The following MSR1 variants were observed in gnomAD, a reference collection of about 807,000 sequenced individuals.
MSR1 encodes the protein macrophage scavenger receptor types I and II.
Under a neutral mutation model 47.2 loss-of-function variants are expected in MSR1, and 53 were observed. The ratio of observed to expected loss-of-function variants is 1.12; its 90% CI spans 0.90 to 1.41. The LOEUF (loss-of-function observed/expected upper bound fraction) is 1.41, where lower values mean the gene tolerates loss of function less well. MSR1 is among the 40% of genes most tolerant of loss of function. The pLI, the probability that MSR1 is intolerant of heterozygous loss-of-function variation, is 0.00. For synonymous variants in MSR1, 239 were observed against 185.6 expected, an observed-to-expected ratio of 1.29 and a Z score of -2.34; for missense variants, 786 against 546.9, an observed-to-expected ratio of 1.44 and a Z score of -4.36.
intron 9 of MSR1, among the ~76,000 whole-genome samples, chr8:16,119,075 C>G (rs2117058293): frequency 6.6e-6 from 1 of 152,250 alleles, no homozygotes; most frequent in African/African-American, 2.4e-5. Flanking sequence ...AAGTTAAAAA[C>G]TACGGCCAGG....
At chr8:16,115,329 CTAAG>C (rs1036613142) in intron 9 of MSR1, among the ~76,000 whole-genome samples, 14 of 152,196 alleles carry the variant, frequency 9.2e-5, no homozygotes, top group Admixed American at 9.2e-4. Context: ...ACTCATTTTT[CTAAG>C]TTTCTTTTCT....
At chr8:16,120,844 TA>T (rs1475438350) in intron 8 of MSR1, 2 of 550,774 alleles carry the variant, frequency 3.6e-6, no homozygotes, top group Non-Finnish European at 6.4e-6. Context: ...GTCTTACATG[TA>T]AGTTATATAT....
At chr8:16,183,541 T>G (rs1401304434) in intron 1 of MSR1, among the ~76,000 whole-genome samples, 1 of 145,758 alleles carries the variant, frequency 6.9e-6, no homozygotes, top group Non-Finnish European at 1.5e-5. Flanking sequence ...TAATACATAT[T>G]TATATATACA....
At chr8:16,175,897 C>G (rs902071715) in intron 2 of MSR1, among the ~76,000 whole-genome samples, 21 of 152,132 alleles carry the variant, frequency 1.4e-4, no homozygotes, top group Admixed American at 2.6e-4. Context: ...GAAGCCCACT[C>G]TCTCTATATT....
At position 16,168,594 on chromosome 8, in the gene MSR1, G is replaced by A. The variant is rs1801387154; in HGVS notation, c.494C>T (p.Ser165Leu). 6.2e-7 allele frequency: 1 copy of A among 1,614,036 alleles called. No homozygotes were observed. The highest frequency in any genetic ancestry group is 1.1e-5 in the South Asian group (1 of 91,086). ...ILLQLSTLFS[S>L]VQGHGNAIDE... Reference sequence around the variant, plus strand: ...TATTGCATTCCCATGTCCCTGGACTGAGGAAAACAAGGTACTTAGCTGCAG... The same window carrying A: ...TATTGCATTCCCATGTCCCTGGACTAAGGAAAACAAGGTACTTAGCTGCAG... Residue 165 changes from serine (S) to leucine (L), a missense_variant, in exon 4 of 10, where the codon TCA becomes TTA. Physicochemically the swap from Ser to Leu is moderately radical, Grantham distance 145. Coordinates refer to ENST00000262101, the MANE Select transcript of MSR1 (RefSeq NM_138715.3).
chr8:16,163,966 T>A, intron 5 of MSR1, 99 bp downstream of exon 5: 1 of 977,384 alleles, frequency 1.0e-6, no homozygotes, highest in Non-Finnish European at 1.5e-6. Context: ...TCAGAAACTA[T>A]TTATTTCAAA....
At chr8:16,168,993 G>T in intron 3 of MSR1, 123 bp from the exon 4 acceptor site, 1 of 960,414 alleles carries the variant, frequency 1.0e-6, no homozygotes, top group Non-Finnish European at 1.6e-6. Flanking sequence ...TGAATGCTAG[G>T]CTAAATCGAG....
At chr8:16,141,571 T>C (rs1800557603) in intron 8 of MSR1, among the ~76,000 whole-genome samples, 1 of 152,158 alleles carries the variant, frequency 6.6e-6, no homozygotes, top group Non-Finnish European at 1.5e-5. Flanking sequence ...ATGTATATCA[T>C]TCTTTGTTTT....
intron 4 of MSR1, among the ~76,000 whole-genome samples, chr8:16,167,776 C>A (rs888133567): frequency 1.3e-5 from 2 of 152,150 alleles, no homozygotes; most frequent in African/African-American, 4.8e-5. Context: ...TTTTCGCTTT[C>A]TGTCTTTCTT....
At chr8:16,162,002 G>C (rs1232526824) in intron 5 of MSR1, among the ~76,000 whole-genome samples, 1 of 151,950 alleles carries the variant, frequency 6.6e-6, no homozygotes, top group Non-Finnish European at 1.5e-5. Context: ...ACAGAGGAAA[G>C]GAGAGAAAGA....
At chr8:16,153,149 G>A (rs749090604) in intron 6 of MSR1, among the ~76,000 whole-genome samples, 24 of 152,002 alleles carry the variant, frequency 1.6e-4, no homozygotes, top group Admixed American at 3.3e-4. Context: ...ACTTGGTCAA[G>A]CTGAGTTTAG....
chr8:16,120,936 A>T, intron 8 of MSR1: 1 of 351,686 alleles, frequency 2.8e-6, no homozygotes, highest in Admixed American at 4.6e-5. Context: ...ATTTTTTCAT[A>T]CCATTGAAAA....
chr8:16,111,336 A>G (rs1166668546), intron 9 of MSR1, among the ~76,000 whole-genome samples: 2 of 152,200 alleles, frequency 1.3e-5, no homozygotes, highest in South Asian at 2.1e-4. Flanking sequence ...GTATAAACAA[A>G]CAGAAATTAA....
At chr8:16,141,088 T>A in intron 8 of MSR1, 2 of 1,607,470 alleles carry the variant, frequency 1.2e-6, no homozygotes. Flanking sequence ...TTTTAACATA[T>A]TTTCAGAAAG....
At chr8:16,123,725 A>T (rs966329396) in intron 8 of MSR1, among the ~76,000 whole-genome samples, 1 of 152,124 alleles carries the variant, frequency 6.6e-6, no homozygotes, top group Admixed American at 6.6e-5. Context: ...TTAATTGGTG[A>T]AAAAACAGAA....
intron 3 of MSR1, among the ~76,000 whole-genome samples, chr8:16,169,646 T>C (rs1801424463): frequency 6.6e-6 from 1 of 152,132 alleles, no homozygotes; most frequent in African/African-American, 2.4e-5. Context: ...TATCATATTA[T>C]TATCTTAAAA....
intron 9 of MSR1, among the ~76,000 whole-genome samples, chr8:16,114,368 GT>G: frequency 6.6e-6 from 1 of 152,110 alleles, no homozygotes; most frequent in South Asian, 2.1e-4. Flanking sequence ...CTCTTTTCAG[GT>G]TTGGAGTTTC....
intron 8 of MSR1, chr8:16,140,741 C>T: frequency 3.5e-6 from 5 of 1,416,678 alleles, no homozygotes; most frequent in Non-Finnish European, 4.6e-6. Context: ...TGAGAGGTGT[C>T]CAGGCTGGGG....
intron 5 of MSR1, 87 bp downstream of exon 5, chr8:16,163,978 C>T: frequency 9.4e-7 from 1 of 1,063,766 alleles, no homozygotes; most frequent in Admixed American, 2.7e-5. Context: ...TATTTCAAAC[C>T]ATAGGATTTC....
Sources: allele counts gnomAD v4.1 joint callset (sites outside exome capture counted in the v4.1 genomes callset), GRCh38; gene constraint gnomAD v4.1.1; transcripts MANE v1.5; gene names NCBI Gene and HGNC (gene_info 2026-07-23, HGNC 2026-07-21).